The following FANCI variants were observed in gnomAD, a reference collection of about 807,000 sequenced individuals.
FANCI encodes Fanconi anemia group I protein.
In FANCI, 156 loss-of-function variants were observed where a neutral mutation model predicts 176.1. The ratio of observed to expected loss-of-function variants is 0.89; its 90% CI spans 0.78 to 1.01. The LOEUF (loss-of-function observed/expected upper bound fraction) is 1.01, where lower values mean the gene tolerates loss of function less well. Among genes scored for constraint, FANCI ranks in the 50% least tolerant of loss-of-function variants. The pLI is 0.00. For missense variants in FANCI, 1,678 were observed against 1,534.1 expected (o/e 1.09, Z -1.57); for synonymous variants, 613 against 541.7 (o/e 1.13, Z -1.83).
At chr15:89,252,335 T>C (rs969995097) in intron 2 of FANCI, among the ~76,000 whole-genome samples, 3 of 152,094 alleles carry the variant, frequency 2.0e-5, no homozygotes, top group Non-Finnish European at 4.4e-5. Context: ...ACGTCTCTCT[T>C]TGTAGATGGC....
chr15:89,313,089 C>A, intron 35 of FANCI, 117 bp downstream of exon 35: 2 of 1,025,706 alleles, frequency 1.9e-6, no homozygotes, highest in Non-Finnish European at 3.0e-6. Context: ...CATGAAGTGC[C>A]CAGAATAAAT....
Position 89,316,426 on chromosome 15 carries a change from C to G in FANCI, c.3954C>G (p.Asn1318Lys). Residue 1318 changes from asparagine (N) to lysine (K), a missense_variant, in exon 38 of 38, where the codon AAC becomes AAG. Coordinates refer to ENST00000310775, the MANE Select transcript of FANCI (RefSeq NM_001113378.2). ...EGTASEHGGQ[N>K]KEPAKKKRKK is the part of the protein sequence containing the mutation. The stretch of plus-strand genomic sequence containing the variant: ...CTGCATCAGAGCATGGGGGACAGAA[C>G]AAAGAACCAGCCAAGAAGAAAAGGA... 2 of 1,611,792 alleles carry G rather than the reference C, an allele frequency of 1.2e-6. No individual in the cohort carries two copies. Among genetic ancestry groups the G allele is most frequent in the African/African-American group, 1.3e-5 (1 of 74,868 alleles).
intron 19 of FANCI, 82 bp downstream of exon 19, chr15:89,290,363 TATAAA>T (rs2151691352): frequency 9.4e-7 from 1 of 1,067,158 alleles, no homozygotes; most frequent in East Asian, 2.4e-5. Context: ...CCTTTCAAAA[TATAAA>T]ATAATTCCCA....
chr15:89,262,445 G>T (rs2052754351), intron 6 of FANCI, among the ~76,000 whole-genome samples: 1 of 152,092 alleles, frequency 6.6e-6, no homozygotes, highest in Non-Finnish European at 1.5e-5. Context: ...AGTTAAGGTA[G>T]AGCCACTCCA....
intron 18 of FANCI, among the ~76,000 whole-genome samples, chr15:89,286,784 C>A (rs939711429): frequency 2.6e-5 from 4 of 152,100 alleles, no homozygotes; most frequent in Admixed American, 6.6e-5. Context: ...GTCAGCCTGT[C>A]CTTTGAAGCC....
chr15:89,312,493 T>A lies in FANCI; in HGVS notation c.3652-411T>A, dbSNP rs369594604. On this transcript the variant is annotated intron_variant, in intron 34 of 37. Transcript: ENST00000310775. Reference sequence around the variant, plus strand: ...ATAGTCCTGTTTACTCCAGACTTGGTCCTCATACCCTGTGTAATTACCTTC... The same window carrying A: ...ATAGTCCTGTTTACTCCAGACTTGGACCTCATACCCTGTGTAATTACCTTC... 3.9e-5 allele frequency among the ~76,000 whole-genome samples: 6 copies of A among 152,384 alleles called. No homozygotes were observed. The East Asian group carries it at 7.7e-4, about 20-fold the overall frequency.
intron 19 of FANCI, among the ~76,000 whole-genome samples, chr15:89,291,056 T>C (rs2054047170): frequency 1.3e-5 from 2 of 152,220 alleles, no homozygotes. Flanking sequence ...AATAGCGCTT[T>C]CTGACTCAGG....
Position 89,291,673 on chromosome 15 carries a change from A to C in FANCI, c.1951A>C (p.Ile651Leu), listed in dbSNP as rs746651145. ...LLPPLKLEAC[I>L]LTQGDKISLQ... is the part of the protein sequence containing the mutation. ...GCCTCCTCTGAAATTAGAAGCTTGTATTCTGACCCAAGGAGATAAGATCTC... is the reference window on the plus strand; with the variant it reads ...GCCTCCTCTGAAATTAGAAGCTTGTCTTCTGACCCAAGGAGATAAGATCTC... The change falls in exon 20 of 38, where the codon ATT (isoleucine) becomes CTT (leucine). Residue 651 changes from isoleucine to leucine, a missense_variant. Coordinates refer to ENST00000310775, the MANE Select transcript of FANCI (RefSeq NM_001113378.2). 8 of 1,613,744 alleles carry C rather than the reference A, an allele frequency of 5.0e-6. No individual in the cohort carries two copies. Among genetic ancestry groups the C allele is most frequent in the Non-Finnish European group, 5.1e-6 (6 of 1,179,844 alleles).
At chr15:89,309,895 T>C (rs934374497) in intron 34 of FANCI, among the ~76,000 whole-genome samples, 1 of 152,218 alleles carries the variant, frequency 6.6e-6, no homozygotes, top group African/African-American at 2.4e-5. Context: ...TTGTTATGAT[T>C]CAAAAGTCAC....
At chr15:89,314,215 A>G (rs563375601) in intron 35 of FANCI, among the ~76,000 whole-genome samples, 4 of 152,032 alleles carry the variant, frequency 2.6e-5, no homozygotes, top group South Asian at 2.1e-4. Flanking sequence ...ACAAATTACA[A>G]TTCACGTTAG....
intron 2 of FANCI, among the ~76,000 whole-genome samples, chr15:89,256,746 C>T (rs1017817718): frequency 2.0e-5 from 3 of 152,108 alleles, no homozygotes; most frequent in Non-Finnish European, 2.9e-5. Context: ...ACAGCAGACC[C>T]GAATCATAAA....
At chr15:89,279,569 C>G (rs1219704728) in intron 14 of FANCI, among the ~76,000 whole-genome samples, 1 of 152,150 alleles carries the variant, frequency 6.6e-6, no homozygotes, top group Non-Finnish European at 1.5e-5. Context: ...TCCCCTGAAA[C>G]TTTTTAGGTA....
Position 89,259,015 on chromosome 15 carries a change from T to A in FANCI, c.157+239T>A, listed in dbSNP as rs904685428. ...GATTTGGGGGCCTATAATTACAGAA[T>A]GTGCTTTTCGTAAAATCTGCTTTGG... On this transcript the variant is annotated intron_variant, in intron 3 of 37. Coordinates refer to ENST00000310775, the MANE Select transcript of FANCI (RefSeq NM_001113378.2). The A allele has an allele frequency of 1.0e-5, 5 of 485,356 alleles. No individual in the cohort carries two copies. In the East Asian group the frequency reaches 1.9e-4, roughly 19 times the overall value. The allele number at this position is 485,356 out of a possible 1,614,324, so 30.1% of individuals were successfully genotyped here.
At chr15:89,258,640 A>C (rs2052595194) in intron 2 of FANCI, 64 bp from the exon 3 acceptor site, 1 of 1,172,606 alleles carries the variant, frequency 8.5e-7, no homozygotes, top group Admixed American at 1.7e-5. Flanking sequence ...TTTCATATTG[A>C]GTGTTTAGGT....
At chr15:89,295,404 G>A (rs2054218791) in intron 24 of FANCI, among the ~76,000 whole-genome samples, 1 of 149,550 alleles carries the variant, frequency 6.7e-6, no homozygotes, top group African/African-American at 2.5e-5. Context: ...GGCAGCTCAT[G>A]CCTGTAATCC....
intron 10 of FANCI, among the ~76,000 whole-genome samples, chr15:89,272,639 C>G (rs1567151163): frequency 6.6e-6 from 1 of 152,064 alleles, no homozygotes; most frequent in African/African-American, 2.4e-5. Flanking sequence ...ATTTCTGATC[C>G]ATTCAAGGAC....
At chr15:89,244,923 A>C (rs2051877996) in intron 1 of FANCI, among the ~76,000 whole-genome samples, 1 of 152,216 alleles carries the variant, frequency 6.6e-6, no homozygotes, top group South Asian at 2.1e-4. Flanking sequence ...TAATTTGTTC[A>C]ACAAACATTT....
chr15:89,315,812 T>C (rs1207460420), intron 37 of FANCI, among the ~76,000 whole-genome samples: 4 of 152,210 alleles, frequency 2.6e-5, no homozygotes, highest in African/African-American at 9.7e-5. Context: ...TCCCTTGTGG[T>C]TTGTTCCTCT....
chr15:89,274,817 C>T (rs1054285734), intron 12 of FANCI, among the ~76,000 whole-genome samples: 1 of 151,852 alleles, frequency 6.6e-6, no homozygotes, highest in Non-Finnish European at 1.5e-5. Context: ...ATTGCCCAGG[C>T]TGGTCTTGAA....
Sources: gnomAD v4.1 joint callset for allele counts (sites outside exome capture counted in the v4.1 genomes callset) on GRCh38, gnomAD v4.1.1 for gene constraint, MANE v1.5 for transcripts, NCBI Gene and HGNC (gene_info 2026-07-23, HGNC 2026-07-21) for gene names.